CSGALNACT1: variants seen among roughly 807,000 people sequenced by gnomAD.
CSGALNACT1 encodes the protein beta4GalNAcT-1.
In CSGALNACT1, 52 loss-of-function variants were observed where a neutral mutation model predicts 51.0. The ratio of observed to expected loss-of-function variants is 1.02; its 90% CI spans 0.82 to 1.29. CSGALNACT1 has a LOEUF of 1.29. Among genes scored for constraint, CSGALNACT1 ranks in the 50% most tolerant of loss-of-function variants. CSGALNACT1 has a pLI of 0.00. For missense variants in CSGALNACT1, 935 were observed against 679.2 expected, an observed-to-expected ratio of 1.38 and a Z score of -4.19; for synonymous variants, 341 against 254.4, an observed-to-expected ratio of 1.34 and a Z score of -3.24.
At chr8:19,544,220 A>G (rs558435922) in intron 3 of CSGALNACT1, among the ~76,000 whole-genome samples, 9 of 152,326 alleles carry the variant, frequency 5.9e-5, no homozygotes, top group African/African-American at 2.2e-4. Flanking sequence ...AGGCAACAAA[A>G]TAAAACTGAG....
intron 3 of CSGALNACT1, among the ~76,000 whole-genome samples, chr8:19,560,825 G>A (rs2040538840): frequency 6.6e-6 from 1 of 152,156 alleles, no homozygotes; most frequent in Non-Finnish European, 1.5e-5. Flanking sequence ...AAGGCATGCT[G>A]GTATGCACTG....
At chr8:19,505,980 G>T (rs2077263762) in exon 4 of CSGALNACT1, 1 of 873,834 alleles carries the variant, frequency 1.1e-6, no homozygotes. Context: ...AACGAGTTCT[G>T]CCTCTTGGAG....
At chr8:19,429,320 G>A (rs2059298311) in intron 6 of CSGALNACT1, among the ~76,000 whole-genome samples, 1 of 152,118 alleles carries the variant, frequency 6.6e-6, no homozygotes, top group African/African-American at 2.4e-5. Flanking sequence ...GGGATTACAG[G>A]TGTGAGCCAC....
intron 2 of CSGALNACT1, among the ~76,000 whole-genome samples, chr8:19,597,459 T>C (rs1470271939): frequency 1.3e-5 from 2 of 151,844 alleles, no homozygotes; most frequent in Non-Finnish European, 2.9e-5. Flanking sequence ...CAAGCCTAGC[T>C]AATTTTATTT....
intron 3 of CSGALNACT1, among the ~76,000 whole-genome samples, chr8:19,562,068 A>T (rs1274092923): frequency 6.6e-6 from 1 of 152,166 alleles, no homozygotes; most frequent in Non-Finnish European, 1.5e-5. Context: ...TCACCTGACA[A>T]GTATGGGTCC....
At chr8:19,430,513 A>AT (rs1274084151) in intron 6 of CSGALNACT1, among the ~76,000 whole-genome samples, 1 of 152,196 alleles carries the variant, frequency 6.6e-6, no homozygotes. Flanking sequence ...TAAAAATCAA[A>AT]TGACCATAAA....
intron 1 of CSGALNACT1, among the ~76,000 whole-genome samples, chr8:19,673,274 T>G (rs2059929417): frequency 6.6e-6 from 1 of 152,234 alleles, no homozygotes; most frequent in Non-Finnish European, 1.5e-5. Context: ...GCTACGTAAC[T>G]ACTGCAGCTT....
At chr8:19,663,434 TTTTAAG>T (rs1425952706) in intron 1 of CSGALNACT1, among the ~76,000 whole-genome samples, 1 of 152,180 alleles carries the variant, frequency 6.6e-6, no homozygotes, top group African/African-American at 2.4e-5. Context: ...TCAGAGCAAA[TTTTAAG>T]TTTAAAGCAG....
chr8:19,565,021 A>C (rs576555430), intron 3 of CSGALNACT1, among the ~76,000 whole-genome samples: 1 of 152,202 alleles, frequency 6.6e-6, no homozygotes, highest in African/African-American at 2.4e-5. Context: ...GACCTCAATG[A>C]ATCCACTGCA....
intron 6 of CSGALNACT1, among the ~76,000 whole-genome samples, chr8:19,434,338 T>C (rs921881471): frequency 2.0e-5 from 3 of 152,130 alleles, no homozygotes; most frequent in Non-Finnish European, 2.9e-5. Flanking sequence ...AGAAAAGCTA[T>C]AAGAATAGTA....
chr8:19,561,405 A>C (rs1217209078), intron 3 of CSGALNACT1, among the ~76,000 whole-genome samples: 4 of 152,196 alleles, frequency 2.6e-5, no homozygotes, highest in African/African-American at 2.4e-5. Flanking sequence ...CAAGCACAGG[A>C]AGCTAGGAGA....
At chr8:19,452,958 T>C (rs1205592815) in intron 5 of CSGALNACT1, among the ~76,000 whole-genome samples, 5 of 152,172 alleles carry the variant, frequency 3.3e-5, no homozygotes, top group African/African-American at 1.2e-4. Flanking sequence ...CCTCAAAATA[T>C]GCACAACAAT....
At chr8:19,651,658 C>A (rs2057814368) in intron 1 of CSGALNACT1, among the ~76,000 whole-genome samples, 1 of 151,928 alleles carries the variant, frequency 6.6e-6, no homozygotes, top group Non-Finnish European at 1.5e-5. Flanking sequence ...TTTATCTAGT[C>A]CACTGTTGAT....
At chr8:19,634,885 C>G (rs1001795637) in intron 1 of CSGALNACT1, among the ~76,000 whole-genome samples, 7 of 152,192 alleles carry the variant, frequency 4.6e-5, no homozygotes, top group Non-Finnish European at 1.0e-4. Context: ...CAAGCTAAGA[C>G]AGCTGTCATA....
At chr8:19,583,723 A>C (rs981030944) in intron 3 of CSGALNACT1, among the ~76,000 whole-genome samples, 13 of 152,326 alleles carry the variant, frequency 8.5e-5, no homozygotes, top group African/African-American at 3.1e-4. Flanking sequence ...GTTTCAGCTT[A>C]TACTCTTCAT....
chr8:19,659,478 C>T (rs563259522), intron 1 of CSGALNACT1, among the ~76,000 whole-genome samples: 12 of 152,042 alleles, frequency 7.9e-5, no homozygotes, highest in South Asian at 4.2e-4. Flanking sequence ...TGTGTGTTTC[C>T]GACAGAACTG....
chr8:19,406,252 G>A (rs889527431), intron 9 of CSGALNACT1, among the ~76,000 whole-genome samples, 183 bp from the exon 9 acceptor site: 2 of 151,972 alleles, frequency 1.3e-5, no homozygotes, highest in African/African-American at 4.8e-5. Flanking sequence ...CAACAAAGAC[G>A]ACTTTTATGG....
chr8:19,746,924 C>T (rs1288080192), intron 1 of CSGALNACT1, among the ~76,000 whole-genome samples: 1 of 152,140 alleles, frequency 6.6e-6, no homozygotes, highest in African/African-American at 2.4e-5. Flanking sequence ...TGTCATCTGC[C>T]CCAAGAATAA....
At position 19,481,265 on chromosome 8, in the gene CSGALNACT1, T is replaced by A. The variant is rs185207616; in HGVS notation, c.635-22623A>T. 3.2e-4 allele frequency among the ~76,000 whole-genome samples: 49 copies of A among 152,280 alleles called. No individual in the cohort carries two copies. The East Asian group carries it at 8.7e-3, about 27-fold the overall frequency. ...TCGACCTCTGTGCCCTGGGTGTCTG[T>A]CCTTATAGTCTGCCCCATACTCCTG... On this transcript the variant is annotated intron_variant, in intron 4 of 9. Coordinates refer to ENST00000454498, the Ensembl canonical transcript of CSGALNACT1.
Sources: allele counts gnomAD v4.1 joint callset (sites outside exome capture counted in the v4.1 genomes callset), GRCh38; gene constraint gnomAD v4.1.1; transcripts MANE v1.5; gene names NCBI Gene and HGNC (gene_info 2026-07-23, HGNC 2026-07-21).